The following SPTA1 variants were observed in gnomAD, a reference collection of about 807,000 sequenced individuals.
The protein encoded by SPTA1 is spectrin alpha chain, erythrocytic 1.
Under a neutral mutation model 324.7 loss-of-function variants are expected in SPTA1, and 177 were observed. The observed-to-expected ratio is 0.55, with a 90% CI of 0.48 to 0.62. The LOEUF (loss-of-function observed/expected upper bound fraction) is 0.62. SPTA1 is among the 20% of genes least tolerant of loss of function. SPTA1 has a pLI of 0.00. For missense variants in SPTA1, 3,162 were observed against 2,883.6 expected (o/e 1.10, Z -2.21); for synonymous variants, 1,195 against 1,041.3 (o/e 1.15, Z -2.84).
intron 27 of SPTA1, among the ~76,000 whole-genome samples, chr1:158,647,012 C>A (rs1031645944): frequency 1.3e-5 from 2 of 152,088 alleles, no homozygotes; most frequent in African/African-American, 4.8e-5. Context: ...CTCCTTACCA[C>A]CCCCTCCCCA....
intron 18 of SPTA1, among the ~76,000 whole-genome samples, chr1:158,660,740 A>G (rs1653152855): frequency 6.6e-6 from 1 of 152,214 alleles, no homozygotes. Flanking sequence ...TCCCAGTGTA[A>G]TCTGCACTGC....
chr1:158,643,660 A>G (rs1198923125), intron 30 of SPTA1, among the ~76,000 whole-genome samples: 2 of 152,178 alleles, frequency 1.3e-5, no homozygotes, highest in Admixed American at 6.5e-5. Flanking sequence ...ACTTCTCATG[A>G]CCATTGTAGA....
intron 16 of SPTA1, among the ~76,000 whole-genome samples, chr1:158,664,630 A>G (rs1157871578): frequency 1.3e-5 from 2 of 152,224 alleles, no homozygotes; most frequent in Non-Finnish European, 2.9e-5. Flanking sequence ...ACAAACCTGC[A>G]GTTTTTGCAC....
At chr1:158,674,745 G>T in intron 8 of SPTA1, 70 bp from the exon 9 acceptor site, 2 of 1,598,026 alleles carry the variant, frequency 1.3e-6, no homozygotes, top group Non-Finnish European at 8.5e-7. Flanking sequence ...CAAAGATTTA[G>T]GTTTGGGGTG....
intron 8 of SPTA1, among the ~76,000 whole-genome samples, chr1:158,675,080 C>A (rs774187104): frequency 6.6e-6 from 1 of 152,164 alleles, no homozygotes; most frequent in South Asian, 2.1e-4. Flanking sequence ...CCTCATCTAT[C>A]TAGCTCATCT....
At chr1:158,631,595 A>T (rs910683203) in intron 39 of SPTA1, among the ~76,000 whole-genome samples, 1 of 152,206 alleles carries the variant, frequency 6.6e-6, no homozygotes, top group Non-Finnish European at 1.5e-5. Context: ...TACCTAAAAA[A>T]GTATTGAAAT....
rs1002515506 is a variant in SPTA1 at position 158,626,231 on chromosome 1, C to CA, written c.5834-10dup. ...GCTTGTTTCCTTATCAGCTAAAAGGCAAAAACAATTAAGAAGAGAAAGACA... is the reference window on the plus strand; with the variant it reads ...GCTTGTTTCCTTATCAGCTAAAAGGCAAAAAACAATTAAGAAGAGAAAGACA... On this transcript the variant is annotated splice_polypyrimidine_tract_variant and intron_variant, in intron 41 of 51. Coordinates refer to ENST00000643759, the MANE Select transcript of SPTA1 (RefSeq NM_003126.4). 1.2e-6 allele frequency: 2 copies of CA among 1,612,730 alleles called. No homozygotes were observed. The highest frequency in any genetic ancestry group is 2.7e-5 in the African/African-American group (2 of 74,850).
intron 39 of SPTA1, 108 bp from the exon 40 acceptor site, chr1:158,627,831 T>C: frequency 9.0e-7 from 1 of 1,106,066 alleles, no homozygotes; most frequent in South Asian, 1.3e-5. Context: ...TTCAATGAAA[T>C]TGGCAGACTA....
In SPTA1 at chr1:158,652,459, T is replaced by C. The variant is rs889069426; in HGVS notation, c.3375+8A>G. On this transcript the variant is annotated splice_region_variant and intron_variant, in intron 23 of 51. Transcript: ENST00000643759. ...GGCAACCTTCAAGAGAAGGTTCCTC[T>C]TTCTCACCTTTTGGAACTCATCAAA... 10 of 1,613,980 alleles carry C rather than the reference T, an allele frequency of 6.2e-6. No homozygotes were observed. In the African/African-American group the frequency reaches 1.2e-4, roughly 19 times the overall value.
At chr1:158,631,801 T>C (rs534795407) in intron 39 of SPTA1, among the ~76,000 whole-genome samples, 2 of 152,174 alleles carry the variant, frequency 1.3e-5, no homozygotes, top group Non-Finnish European at 2.9e-5. Context: ...AGGCCAGTGT[T>C]AGTGAAGATA....
chr1:158,674,654 G>C lies in SPTA1; in HGVS notation c.1134C>G (p.Asp378Glu). ...TCATCCAGCCTGAGAGTTCATCAAA[G>C]TCAGATGAAAATCGATGGTACCTGT... ...ATYWYHRFSS[D>E]FDELSGWMNE... is the part of the protein sequence containing the mutation. Residue 378 changes from aspartate (D) to glutamate (E), a missense_variant, in exon 9 of 52, where the codon GAC (aspartate) becomes GAG (glutamate). Coordinates refer to ENST00000643759, the MANE Select transcript of SPTA1 (RefSeq NM_003126.4). 6.2e-7 allele frequency: 1 copy of C among 1,613,918 alleles called. No individual in the cohort carries two copies. Among genetic ancestry groups the C allele is most frequent in the Non-Finnish European group, 8.5e-7 (1 of 1,179,982 alleles).
At chr1:158,613,970 C>G in intron 49 of SPTA1, 103 bp from the exon 50 acceptor site, 1 of 1,338,174 alleles carries the variant, frequency 7.5e-7, no homozygotes, top group South Asian at 1.3e-5. Context: ...GCTTTATTGA[C>G]CTGTCACAAA....
At position 158,661,413 on chromosome 1, in the gene SPTA1, C is replaced by G. The variant is rs368194774; in HGVS notation, c.2465-4G>C. On this transcript the variant is annotated splice_region_variant and splice_polypyrimidine_tract_variant and intron_variant, in intron 17 of 51. Coordinates refer to ENST00000643759, the MANE Select transcript of SPTA1 (RefSeq NM_003126.4). ...TTGGAAGCAATCAGGTCCTTTCCTG[C>G]AGAGGAAAGGAATTTCAAAGTTTCG... The G allele has an allele frequency of 1.3e-5, 21 of 1,613,716 alleles. No homozygotes were observed. In the East Asian group the frequency reaches 1.3e-4, roughly 10 times the overall value.
chr1:158,680,758 C>T (rs1291684318), intron 4 of SPTA1, 29 bp from the exon 5 acceptor site: 1 of 1,612,614 alleles, frequency 6.2e-7, no homozygotes, highest in Non-Finnish European at 8.5e-7. Context: ...ATTGAGTTGC[C>T]AGCAAACATT....
intron 39 of SPTA1, among the ~76,000 whole-genome samples, chr1:158,631,925 G>T (rs2101795446): frequency 6.6e-6 from 1 of 152,202 alleles, no homozygotes; most frequent in Non-Finnish European, 1.5e-5. Context: ...CTATCGTCCA[G>T]CAATTCTATT....
intron 37 of SPTA1, 141 bp downstream of exon 37, chr1:158,636,500 A>C: frequency 1.0e-6 from 1 of 976,512 alleles, no homozygotes; most frequent in Middle Eastern, 3.1e-4. Flanking sequence ...AGAGAAAAGA[A>C]TATTTGTAAA....
Position 158,648,446 on chromosome 1 carries a change from C to T in SPTA1, c.3714+63G>A, listed in dbSNP as rs531387320. 8.7e-6 allele frequency: 14 copies of T among 1,601,986 alleles called. No individual in the cohort carries two copies. The East Asian group carries it at 2.9e-4, about 33-fold the overall frequency. The stretch of plus-strand genomic sequence containing the variant: ...TGAAAAAGAGAACCAAAGAAGAGGG[C>T]ATTGGTATACGGCTAAATATAGACT... On this transcript the variant is annotated intron_variant, in intron 26 of 51. Transcript: ENST00000643759.
intron 18 of SPTA1, among the ~76,000 whole-genome samples, chr1:158,658,544 C>T (rs778483217): frequency 1.3e-5 from 2 of 152,272 alleles, no homozygotes; most frequent in South Asian, 2.1e-4. Flanking sequence ...AGATAGGGTC[C>T]TCAGAAGAGT....
At chr1:158,643,864 C>A (rs552511930) in intron 30 of SPTA1, among the ~76,000 whole-genome samples, 1 of 152,028 alleles carries the variant, frequency 6.6e-6, no homozygotes. Context: ...GGGCTGGGCA[C>A]GGTGGCTCAC....
Sources: allele counts gnomAD v4.1 joint callset (sites outside exome capture counted in the v4.1 genomes callset), GRCh38; gene constraint gnomAD v4.1.1; transcripts MANE v1.5; gene names NCBI Gene and HGNC (gene_info 2026-07-23, HGNC 2026-07-21).